The following FAM124A variants were observed in gnomAD, a reference collection of about 807,000 sequenced individuals.
FAM124A encodes protein FAM124A.
FAM124A carries 23 observed loss-of-function variants against 24.5 expected under a neutral mutation model. The observed-to-expected ratio is 0.94, with a 90% CI of 0.68 to 1.33. The LOEUF is 1.33. FAM124A is among the 40% of genes most tolerant of loss of function. FAM124A has a pLI of 0.00. For synonymous variants in FAM124A, 287 were observed against 314.7 expected (o/e 0.91, Z 0.93); for missense variants, 623 against 722.8 (o/e 0.86, Z 1.58).
intron 3 of FAM124A, among the ~76,000 whole-genome samples, chr13:51,265,429 G>A: frequency 6.6e-6 from 1 of 151,948 alleles, no homozygotes; most frequent in East Asian, 1.9e-4. Context: ...CAGCTGACTG[G>A]GGACAGCCCT....
Position 51,280,439 on chromosome 13 carries a change from T to TC in FAM124A, c.835-5dup, listed in dbSNP as rs760772265. Reference sequence around the variant, plus strand: ...ATCCTGCACTAATGTGATCTGCCTCTCCCCCCACAGGCACAAAGGGTGCAT... The same window carrying TC: ...ATCCTGCACTAATGTGATCTGCCTCTCCCCCCCACAGGCACAAAGGGTGCAT... On this transcript the variant is annotated splice_polypyrimidine_tract_variant and intron_variant, in intron 3 of 3. Transcript: ENST00000322475. 1.9e-6 allele frequency: 3 copies of TC among 1,574,950 alleles called. No homozygotes were observed. The highest frequency in any genetic ancestry group is 1.7e-6 in the Non-Finnish European group (2 of 1,158,316).
chr13:51,235,535 A>G (rs1047081527), intron 2 of FAM124A, among the ~76,000 whole-genome samples: 1 of 152,230 alleles, frequency 6.6e-6, no homozygotes, highest in Non-Finnish European at 1.5e-5. Flanking sequence ...TTAGGAAAAT[A>G]TGACATTTTT....
chr13:51,227,655 A>G lies in FAM124A; in HGVS notation c.69-3693A>G, dbSNP rs539196886. ...TTCCTTGTAAACCCAAATAAAAGCCAGTGCTTTATAATGACTGTTTCATTA... is the reference window on the plus strand; with the variant it reads ...TTCCTTGTAAACCCAAATAAAAGCCGGTGCTTTATAATGACTGTTTCATTA... On this transcript the variant is annotated intron_variant, in intron 1 of 3. Transcript: ENST00000322475. 1.1e-4 allele frequency among the ~76,000 whole-genome samples: 16 copies of G among 152,360 alleles called. No homozygotes were observed. In the South Asian group the frequency reaches 3.1e-3, roughly 30 times the overall value.
At position 51,251,955 on chromosome 13, in the gene FAM124A, G is replaced by A; in HGVS notation, c.588G>A (p.Arg196=). Residue 196 remains arginine, a synonymous_variant, in exon 3 of 4, where the codon AGG becomes AGA. Transcript: ENST00000322475. The surrounding 1 kb of genome is among the most constrained non-coding windows in gnomAD (Gnocchi z 5.3). ...GGTTCTACCAGCTGATTCTCCGGAG[G>A]AGCCCCAGCCAGAAGAAAGCGGACT... ...SLRFYQLILR[R]SPSQKKADFC... The A allele has an allele frequency of 6.2e-7, 1 of 1,614,228 alleles. No individual in the cohort carries two copies. The highest frequency in any genetic ancestry group is 1.6e-4 in the Middle Eastern group (1 of 6,062).
At chr13:51,224,949 T>A (rs1170564472) in intron 1 of FAM124A, among the ~76,000 whole-genome samples, 2 of 152,108 alleles carry the variant, frequency 1.3e-5, no homozygotes, top group Non-Finnish European at 1.5e-5. Flanking sequence ...CCTTCCCACC[T>A]GACTTGCCTG....
chr13:51,266,051 ACTT>A (rs1252620775), intron 3 of FAM124A, among the ~76,000 whole-genome samples: 9 of 152,028 alleles, frequency 5.9e-5, no homozygotes, highest in Admixed American at 5.2e-4. Context: ...AAATAAGACA[ACTT>A]CATCTAAGTG....
In FAM124A at chr13:51,271,884, G is replaced by A. The variant is rs577730575; in HGVS notation, c.835-8566G>A. ...TATAACCTCGCCAAGTCCAGTGGAAGGTTTTGAGGGTGTTGAGGAGACCTG... is the reference window on the plus strand; with the variant it reads ...TATAACCTCGCCAAGTCCAGTGGAAAGTTTTGAGGGTGTTGAGGAGACCTG... On this transcript the variant is annotated intron_variant, in intron 3 of 3. Transcript: ENST00000322475. 5.6e-4 allele frequency among the ~76,000 whole-genome samples: 86 copies of A among 152,316 alleles called. 1 individual carries two copies. Among genetic ancestry groups the A allele is most frequent in the African/African-American group, 2.0e-3 (85 of 41,572 alleles).
chr13:51,269,253 A>T (rs1954817607), intron 3 of FAM124A, among the ~76,000 whole-genome samples: 1 of 152,238 alleles, frequency 6.6e-6, no homozygotes, highest in Admixed American at 6.5e-5. Context: ...TTTAGAATAG[A>T]AATAATACAG....
intron 3 of FAM124A, chr13:51,252,437 T>G: frequency 1.7e-6 from 1 of 590,666 alleles, no homozygotes; most frequent in African/African-American, 1.8e-5. Context: ...TGTTCCCAAT[T>G]CTTCCAGCTG....
intron 2 of FAM124A, among the ~76,000 whole-genome samples, chr13:51,241,114 C>T (rs1391541197): frequency 6.6e-6 from 1 of 152,210 alleles, no homozygotes; most frequent in East Asian, 1.9e-4. Flanking sequence ...AGAGCCTTGC[C>T]CTTCAAGACC....
chr13:51,249,878 GCA>G (rs1394638111), intron 2 of FAM124A, among the ~76,000 whole-genome samples: 6 of 152,238 alleles, frequency 3.9e-5, no homozygotes, highest in Non-Finnish European at 8.8e-5. Context: ...GTTGTGCACT[GCA>G]CAGTTCTCAG....
chr13:51,236,220 G>A (rs1201386177), intron 2 of FAM124A, among the ~76,000 whole-genome samples: 1 of 152,216 alleles, frequency 6.6e-6, no homozygotes, highest in Non-Finnish European at 1.5e-5. Flanking sequence ...AAATAGGGAA[G>A]TCCAGGTGTC....
chr13:51,236,259 T>G (rs1265954336), intron 2 of FAM124A, among the ~76,000 whole-genome samples: 7 of 152,188 alleles, frequency 4.6e-5, no homozygotes, highest in Non-Finnish European at 8.8e-5. Flanking sequence ...TTATAGCTGG[T>G]CTAGAGCCAC....
chr13:51,226,774 A>G (rs1593583012), intron 1 of FAM124A, among the ~76,000 whole-genome samples: 1 of 152,184 alleles, frequency 6.6e-6, no homozygotes, highest in Admixed American at 6.5e-5. Context: ...GCCAGTGGCC[A>G]TGTTGGCCAC....
At chr13:51,231,446 C>T in intron 2 of FAM124A, 67 bp downstream of exon 2, 1 of 1,528,310 alleles carries the variant, frequency 6.5e-7, no homozygotes, top group Admixed American at 1.9e-5. Context: ...ACCCTAGAGG[C>T]CATGTGTGTA....
intron 3 of FAM124A, among the ~76,000 whole-genome samples, chr13:51,255,021 A>G (rs1954661181): frequency 6.6e-6 from 1 of 152,146 alleles, no homozygotes; most frequent in African/African-American, 2.4e-5. Flanking sequence ...CTCCACTTAA[A>G]TGAACATCTT....
intron 3 of FAM124A, among the ~76,000 whole-genome samples, chr13:51,277,103 G>GA (rs143603641): frequency 0.043 from 6,474 of 150,654 alleles, 464 homozygotes; most frequent in African/African-American, 0.15. Context: ...TGGATGACTG[G>GA]AAAAAAAAAT....
At chr13:51,245,396 A>G in intron 2 of FAM124A, 2 of 679,774 alleles carry the variant, frequency 2.9e-6, no homozygotes, top group South Asian at 1.6e-5. Context: ...TGGAGCCTCC[A>G]GGTTGAACAT....
chr13:51,231,070 A>G (rs1225928633), intron 1 of FAM124A, among the ~76,000 whole-genome samples: 3 of 152,232 alleles, frequency 2.0e-5, no homozygotes, highest in Non-Finnish European at 4.4e-5. Flanking sequence ...TAACCATTCA[A>G]TATTTTTGCT....
Sources: allele counts gnomAD v4.1 joint callset (sites outside exome capture counted in the v4.1 genomes callset), GRCh38; gene constraint gnomAD v4.1.1; non-coding constraint Gnocchi (gnomAD v3.1); transcripts MANE v1.5; gene names NCBI Gene and HGNC (gene_info 2026-07-23, HGNC 2026-07-21).